Variants in KCNQ3 observed in about 807,000 individuals in gnomAD.
KCNQ3 encodes the protein potassium voltage-gated channel subfamily KQT member 3.
Under a neutral mutation model 92.5 loss-of-function variants are expected in KCNQ3, and 30 were observed. The ratio of observed to expected loss-of-function variants is 0.32; its 90% confidence interval spans 0.24 to 0.44. The LOEUF (loss-of-function observed/expected upper bound fraction) is 0.44, where lower values mean the gene tolerates loss of function less well. Ranked by LOEUF, KCNQ3 falls within the 20% of genes least tolerant of loss-of-function variation. The probability of loss-of-function intolerance (pLI) is 1.00; values close to 1 mark genes in which losing one functional copy is unlikely to be tolerated. For missense variants in KCNQ3, 913 were observed against 1,140.3 expected (o/e 0.80, Z 2.87); for synonymous variants, 450 against 468.8 (o/e 0.96, Z 0.52).
intron 1 of KCNQ3, among the ~76,000 whole-genome samples, chr8:132,307,398 A>T (rs1817459725): frequency 6.6e-6 from 1 of 152,236 alleles, no homozygotes; most frequent in African/African-American, 2.4e-5. Flanking sequence ...CCCAGTGATA[A>T]GTCATAAACT....
intron 1 of KCNQ3, among the ~76,000 whole-genome samples, chr8:132,256,332 A>AGAAAAAC (rs1473686111): frequency 6.6e-6 from 1 of 152,142 alleles, no homozygotes; most frequent in Non-Finnish European, 1.5e-5. Context: ...AAAAGAATAA[A>AGAAAAAC]GAAAAACGAA....
chr8:132,160,525 G>A (rs1032012409), intron 9 of KCNQ3, among the ~76,000 whole-genome samples: 1 of 152,094 alleles, frequency 6.6e-6, no homozygotes. Context: ...GGTCTAGAGA[G>A]GAAGAGAGGA....
At chr8:132,421,367 A>G (rs1820961783) in intron 1 of KCNQ3, among the ~76,000 whole-genome samples, 2 of 152,254 alleles carry the variant, frequency 1.3e-5, no homozygotes, top group Admixed American at 6.5e-5. Flanking sequence ...CAAGAAGCCA[A>G]CGCTGGGAAA....
chr8:132,303,472 C>T (rs10956655), intron 1 of KCNQ3, among the ~76,000 whole-genome samples: 109,635 of 140,904 alleles, frequency 0.78, 43,048 homozygotes, highest in East Asian at 0.92. Flanking sequence ...AGAGTTTGGC[C>T]GAATTTTGAA....
intron 1 of KCNQ3, among the ~76,000 whole-genome samples, chr8:132,381,378 T>C (rs1191020569): frequency 2.0e-5 from 3 of 152,140 alleles, no homozygotes; most frequent in Middle Eastern, 3.2e-3. Flanking sequence ...ACTCACCAAG[T>C]TTCATGGTTT....
chr8:132,459,345 G>T (rs990741479), intron 1 of KCNQ3, among the ~76,000 whole-genome samples: 1 of 152,182 alleles, frequency 6.6e-6, no homozygotes, highest in Non-Finnish European at 1.5e-5. Context: ...TTGGCTCATG[G>T]TTCTGCAGGC....
intron 1 of KCNQ3, among the ~76,000 whole-genome samples, chr8:132,328,917 G>A (rs1818147553): frequency 6.6e-6 from 1 of 152,102 alleles, no homozygotes; most frequent in Admixed American, 6.5e-5. Context: ...CTCAGGCCCA[G>A]GCCACAGAGA....
At position 132,121,954 on chromosome 8, in the gene KCNQ3, G is replaced by C. The variant is rs1020889614; in HGVS notation, c.*7308C>G. 3.9e-5 allele frequency: 6 copies of C among 152,212 alleles called. No individual in the cohort carries two copies. The highest frequency in any genetic ancestry group is 1.4e-4 in the African/African-American group (6 of 41,432). 9.4% of individuals were successfully genotyped at this position (152,212 alleles called of 1,614,324 possible). On this transcript the variant is annotated 3_prime_UTR_variant, in exon 15 of 15. Coordinates refer to ENST00000388996, the MANE Select transcript of KCNQ3 (RefSeq NM_004519.4). Reference sequence around the variant, plus strand: ...GATTGTGAAGCCACTCAAAGGACCTGCTGAACAGACAAGAGGAACAGCTGA... The same window carrying C: ...GATTGTGAAGCCACTCAAAGGACCTCCTGAACAGACAAGAGGAACAGCTGA...
chr8:132,310,178 T>G lies in KCNQ3; in HGVS notation c.387-123997A>C, dbSNP rs577038281. On this transcript the variant is annotated intron_variant, in intron 1 of 14. Transcript: ENST00000388996. ...AGCACACTGACCAGCTGAGTGGGAA[T>G]GAGCCCTGCTCAGATCCCTGGGTGG... Among the ~76,000 whole-genome samples the G allele has an allele frequency of 2.4e-4, 37 of 152,328 alleles. No homozygotes were observed. In the South Asian group the frequency reaches 7.5e-3, roughly 31 times the overall value.
chr8:132,244,313 T>C (rs1563822062), intron 1 of KCNQ3, among the ~76,000 whole-genome samples: 3 of 149,550 alleles, frequency 2.0e-5, no homozygotes, highest in Non-Finnish European at 4.4e-5. Flanking sequence ...ATTAGTAAAA[T>C]GAAAAAAGAG....
intron 10 of KCNQ3, chr8:132,140,592 G>A: frequency 8.1e-6 from 2 of 245,610 alleles, no homozygotes; most frequent in East Asian, 1.0e-4. Context: ...CACTTTCTGA[G>A]CCGCACACAT....
At chr8:132,454,443 A>G (rs546181378) in intron 1 of KCNQ3, among the ~76,000 whole-genome samples, 2 of 152,230 alleles carry the variant, frequency 1.3e-5, no homozygotes, top group African/African-American at 2.4e-5. Flanking sequence ...CAAGTGCTTT[A>G]CATAAATAAA....
At chr8:132,236,260 G>A (rs1814811094) in intron 1 of KCNQ3, among the ~76,000 whole-genome samples, 1 of 152,126 alleles carries the variant, frequency 6.6e-6, no homozygotes, top group African/African-American at 2.4e-5. Context: ...AAATCTTCCA[G>A]GGAGTGAACA....
chr8:132,148,515 T>G (rs1399553833), intron 9 of KCNQ3, among the ~76,000 whole-genome samples: 3 of 152,202 alleles, frequency 2.0e-5, no homozygotes, highest in Non-Finnish European at 4.4e-5. Context: ...ACTCCTATCC[T>G]TTGTGTGATG....
intron 1 of KCNQ3, among the ~76,000 whole-genome samples, chr8:132,367,995 A>G (rs1268425099): frequency 6.6e-6 from 1 of 152,186 alleles, no homozygotes; most frequent in East Asian, 1.9e-4. Flanking sequence ...AATATACTGC[A>G]CCATCTAGAA....
At chr8:132,391,949 T>G (rs1402769074) in intron 1 of KCNQ3, among the ~76,000 whole-genome samples, 1 of 152,146 alleles carries the variant, frequency 6.6e-6, no homozygotes, top group Non-Finnish European at 1.5e-5. Flanking sequence ...TCCTAAAGCC[T>G]CACCGAATAT....
chr8:132,273,114 A>G (rs953404077), intron 1 of KCNQ3, among the ~76,000 whole-genome samples: 2 of 151,766 alleles, frequency 1.3e-5, no homozygotes, highest in Non-Finnish European at 2.9e-5. Flanking sequence ...CCCAGTAGGA[A>G]CTCTATGTGG....
At chr8:132,148,294 G>A (rs1825524637) in intron 9 of KCNQ3, among the ~76,000 whole-genome samples, 1 of 152,006 alleles carries the variant, frequency 6.6e-6, no homozygotes, top group Admixed American at 6.6e-5. Context: ...CTGTCGCCCA[G>A]GCTAGCTCTT....
chr8:132,397,383 G>A (rs1466980978), intron 1 of KCNQ3, among the ~76,000 whole-genome samples: 3 of 152,130 alleles, frequency 2.0e-5, no homozygotes, highest in Admixed American at 2.0e-4. Flanking sequence ...ATTCCATTAA[G>A]GCCTTCCTCT....
Sources: gnomAD v4.1 joint callset for allele counts (sites outside exome capture counted in the v4.1 genomes callset) on GRCh38, gnomAD v4.1.1 for gene constraint, MANE v1.5 for transcripts, NCBI Gene and HGNC (gene_info 2026-07-23, HGNC 2026-07-21) for gene names.